USP11: variants seen among roughly 807,000 people sequenced by gnomAD.
USP11 encodes the protein ubiquitin specific peptidase 11.
In USP11, 5 loss-of-function variants were observed where a neutral mutation model predicts 72.8. That is an observed-to-expected ratio of 0.07 (90% confidence interval 0.04 to 0.14). USP11 has a LOEUF of 0.14. Ranked by LOEUF, USP11 falls within the 10% of genes least tolerant of loss-of-function variation. USP11 has a pLI of 1.00. For synonymous variants in USP11, 368 were observed against 326.5 expected, an observed-to-expected ratio of 1.13 and a Z score of -1.37; for missense variants, 480 against 794.7, an observed-to-expected ratio of 0.60 and a Z score of 4.76.
chrX:47,241,022 C>T (rs1805652409), intron 7 of USP11, 146 bp downstream of exon 7: 5 of 609,474 alleles, frequency 8.2e-6, no homozygotes, highest in South Asian at 5.8e-5. Flanking sequence ...AGTGGCACGC[C>T]CACGTTCATT....
In USP11 at chrX:47,241,475, C is replaced by T. The variant is rs369746668; in HGVS notation, c.1020+25C>T. ...GGTGTGACTCAACCCTGGGCACCCCCGACCCCCTACGTCTCTTGGCTCTCC... is the reference window on the plus strand; with the variant it reads ...GGTGTGACTCAACCCTGGGCACCCCTGACCCCCTACGTCTCTTGGCTCTCC... On this transcript the variant is annotated intron_variant, in intron 8 of 20. Transcript: ENST00000377107. The T allele has an allele frequency of 4.6e-5, 55 of 1,191,088 alleles. No individual in the cohort carries two copies. The African/African-American group carries it at 8.3e-4, about 18-fold the overall frequency.
At chrX:47,233,431 G>T in intron 1 of USP11, 1 of 1,069,342 alleles carries the variant, frequency 9.4e-7, no homozygotes, top group Non-Finnish European at 1.2e-6. Context: ...GGTGCAGTCT[G>T]ACGCCTGAGA....
Position 47,239,460 on chromosome X carries a change from C to T in USP11, c.396C>T (p.Gly132=). Residue 132 remains glycine (G), a synonymous_variant, in exon 3 of 21, where the codon GGC becomes GGT. Coordinates refer to ENST00000377107, the MANE Select transcript of USP11 (RefSeq NM_001371072.1). ...TCAGCTGGTATGGTCTAGAGCATGG[C>T]CAGCCACCCATTGAACGCAAGGTAT... is the stretch of plus-strand genomic sequence containing the variant. ...YLVSWYGLEH[G]QPPIERKVIE... 1 of 1,211,472 alleles carries T rather than the reference C, an allele frequency of 8.3e-7. No homozygotes were observed. Among genetic ancestry groups the T allele is most frequent in the Non-Finnish European group, 1.1e-6 (1 of 895,489 alleles).
In USP11 at chrX:47,245,041, G is replaced by C; in HGVS notation, c.2112G>C (p.Trp704Cys). Reference protein sequence around the residue: ...VHAQPYIAIDWEPEMKKRYYD... With the variant: ...VHAQPYIAIDCEPEMKKRYYD... Reference sequence around the variant, plus strand: ...CCCAGCCGTACATTGCTATCGACTGGGAGCCAGAGATGAAGAAGCGTTACT... The same window carrying C: ...CCCAGCCGTACATTGCTATCGACTGCGAGCCAGAGATGAAGAAGCGTTACT... Residue 704 changes from tryptophan to cysteine, a missense_variant, in exon 16 of 21, where the codon TGG becomes TGC. By Grantham distance (215) the Trp-to-Cys change is radical (BLOSUM62 -2). Coordinates refer to ENST00000377107, the MANE Select transcript of USP11 (RefSeq NM_001371072.1). The C allele has an allele frequency of 8.3e-7, 1 of 1,211,800 alleles. No homozygotes were observed. Among genetic ancestry groups the C allele is most frequent in the Non-Finnish European group, 1.1e-6 (1 of 895,482 alleles).
At position 47,243,448 on chromosome X, in the gene USP11, G is replaced by A. The variant is rs909707545; in HGVS notation, c.1636G>A (p.Val546Met). The change falls in exon 13 of 21, where the codon GTG becomes ATG. Residue 546 changes from valine (V) to methionine (M), a missense_variant. This residue lies in a region of USP11 where 314 missense variants were observed against 556.0 expected (regional missense o/e 0.56). Transcript: ENST00000377107. ...CATTGAGGGCTCAAGAGAGGACATC[G>A]TGGTTCCTGTCTACCTGCGGGAGCG... is the stretch of plus-strand genomic sequence containing the variant. ...EAIEGSREDI[V>M]VPVYLRERTP... The A allele has an allele frequency of 8.3e-7, 1 of 1,211,368 alleles. No homozygotes were observed. The highest frequency in any genetic ancestry group is 1.1e-6 in the Non-Finnish European group (1 of 895,474).
In USP11 at chrX:47,240,443, C is replaced by T. The variant is rs376801006; in HGVS notation, c.674C>T (p.Thr225Ile). Residue 225 changes from threonine to isoleucine, a missense_variant, in exon 5 of 21, where the codon ACT (threonine) becomes ATT (isoleucine). Coordinates refer to ENST00000377107, the MANE Select transcript of USP11 (RefSeq NM_001371072.1). ...ACGGTTCTCGATGCGGCCCTTGAGA[C>T]TGGGCAGGTAAGGGTGGGGAGGGCT... ...HITVLDAALE[T>I]GQLIIMETRK... The T allele has an allele frequency of 5.3e-5, 64 of 1,209,946 alleles. No individual in the cohort carries two copies. Among genetic ancestry groups the T allele is most frequent in the Non-Finnish European group, 6.9e-5 (62 of 895,209 alleles).
In USP11 at chrX:47,244,878, C is replaced by T. The variant is rs2055423871; in HGVS notation, c.2040C>T (p.Asn680=). The change falls in exon 15 of 21, where the codon AAC becomes AAT. Residue 680 remains asparagine, a synonymous_variant. Coordinates refer to ENST00000377107, the MANE Select transcript of USP11 (RefSeq NM_001371072.1). ...AGCTGTTCACCCTGCAGACGGTGAACTCCAATGGGACCAGCGACCGCACAA... is the reference window on the plus strand; with the variant it reads ...AGCTGTTCACCCTGCAGACGGTGAATTCCAATGGGACCAGCGACCGCACAA... The part of the protein sequence containing the change: ...RKQLFTLQTV[N]SNGTSDRTTS... The T allele has an allele frequency of 8.3e-7, 1 of 1,211,960 alleles. No individual in the cohort carries two copies. The highest frequency in any genetic ancestry group is 1.1e-6 in the Non-Finnish European group (1 of 895,562).
At chrX:47,247,023 A>T in intron 17 of USP11, 49 bp from the exon 18 acceptor site, 1 of 1,036,071 alleles carries the variant, frequency 9.7e-7, no homozygotes, top group South Asian at 2.4e-5. Context: ...TCTGTCTCAA[A>T]AAAAAAAAAA....
In USP11 at chrX:47,247,908, C is replaced by CT. The variant is rs1190734277; in HGVS notation, c.2742dup (p.Glu915Ter). 3 of 1,190,843 alleles carry CT rather than the reference C, an allele frequency of 2.5e-6. No individual in the cohort carries two copies. The highest frequency in any genetic ancestry group is 3.4e-6 in the Non-Finnish European group (3 of 889,505). On this transcript the variant is annotated frameshift_variant, in exon 21 of 21. Transcript: ENST00000377107. LOFTEE classifies it high-confidence loss of function. The stretch of plus-strand genomic sequence containing the variant: ...CCTGCCTGCAGCTCCCCACCCAGCT[C>CT]TGAGTTCATGGATGTTAATTGAGAG...
intron 1 of USP11, among the ~76,000 whole-genome samples, chrX:47,237,775 G>GGTGTGTGTGTGTGT (rs1428419266): frequency 9.1e-5 from 9 of 99,171 alleles, no homozygotes; most frequent in African/African-American, 3.6e-4. Flanking sequence ...CAGCAGAACA[G>GGTGTGTGTGTGTGT]GTGTGTGTGT....
Position 47,241,303 on chromosome X carries a change from C to T in USP11, c.873C>T (p.Thr291=), listed in dbSNP as rs151312911. ...LQCLSNVPQL[T]EYFLNNCYLE... ...GCCTCAGCAATGTGCCACAGCTCAC[C>T]GAGTACTTCCTCAACAACTGCTACC... The change falls in exon 8 of 21, where the codon ACC becomes ACT. Residue 291 remains threonine (T), a synonymous_variant. Transcript: ENST00000377107. 90 of 1,207,823 alleles carry T rather than the reference C, an allele frequency of 7.5e-5. 1 individual carries two copies. The South Asian group carries it at 1.4e-3, about 19-fold the overall frequency.
intron 9 of USP11, 27 bp downstream of exon 9, chrX:47,241,726 A>G (rs1226199343): frequency 5.2e-6 from 6 of 1,160,741 alleles, no homozygotes; most frequent in Non-Finnish European, 6.9e-6. Flanking sequence ...TTTGCAGTCC[A>G]ATTAACATCA....
chrX:47,233,978 A>G (rs2055359689), intron 1 of USP11: 2 of 112,191 alleles, frequency 1.8e-5, no homozygotes, highest in Admixed American at 1.9e-4. Context: ...TTTTGTTTTT[A>G]GAATCAAGAA....
chrX:47,246,548 A>G lies in USP11; in HGVS notation c.2271-524A>G, dbSNP rs151187241. 5.4e-4 allele frequency among the ~76,000 whole-genome samples: 60 copies of G among 112,006 alleles called. 1 individual carries two copies. In the East Asian group the frequency reaches 0.016, roughly 29 times the overall value. On this transcript the variant is annotated intron_variant, in intron 17 of 20. Transcript: ENST00000377107. ...TGGAACAGAAATCAAACAAAAATACAAAAAATAGTATGAGCACATATACAA... is the reference window on the plus strand; with the variant it reads ...TGGAACAGAAATCAAACAAAAATACGAAAAATAGTATGAGCACATATACAA...
intron 13 of USP11, 90 bp from the exon 14 acceptor site, chrX:47,244,408 C>G (rs2055420760): frequency 9.6e-7 from 1 of 1,042,035 alleles, no homozygotes; most frequent in African/African-American, 1.9e-5. Flanking sequence ...GTGGATCTAC[C>G]AATGGCTTCC....
intron 1 of USP11, chrX:47,233,677 A>C: frequency 7.4e-6 from 3 of 403,851 alleles, no homozygotes; most frequent in Non-Finnish European, 6.3e-6. Flanking sequence ...ATGGAGCCGA[A>C]CGGTCCGAGG....
chrX:47,239,733 G>A, intron 3 of USP11, 57 bp from the exon 4 acceptor site: 1 of 1,126,569 alleles, frequency 8.9e-7, no homozygotes, highest in Non-Finnish European at 1.2e-6. Flanking sequence ...CATTTGAGAG[G>A]TCACAGCGCT....
At chrX:47,246,798 A>G (rs904338603) in intron 17 of USP11, among the ~76,000 whole-genome samples, 1 of 110,849 alleles carries the variant, frequency 9.0e-6, no homozygotes, top group Non-Finnish European at 1.9e-5. Flanking sequence ...ACACGGGTGG[A>G]TCACCTGAGG....
At position 47,235,510 on chromosome X, in the gene USP11, C is replaced by T. The variant is rs765979234; in HGVS notation, c.176+2291C>T. 1.5e-3 allele frequency among the ~76,000 whole-genome samples: 171 copies of T among 110,986 alleles called. 1 individual carries two copies. Among genetic ancestry groups the T allele is most frequent in the African/African-American group, 5.4e-3 (164 of 30,559 alleles). On this transcript the variant is annotated intron_variant, in intron 1 of 20. Transcript: ENST00000377107. ...CTTAACAGCTTCCCATCTCTTGCAG[C>T]GTAGATGCTAAAATCCTTACAATGA... is the stretch of plus-strand genomic sequence containing the variant.
Sources: allele counts gnomAD v4.1 joint callset (sites outside exome capture counted in the v4.1 genomes callset), GRCh38; gene constraint gnomAD v4.1.1; regional missense constraint gnomAD v4.1.1; transcripts MANE v1.5; gene names NCBI Gene and HGNC (gene_info 2026-07-23, HGNC 2026-07-21).